The following DNTTIP2 variants were observed in gnomAD, a reference collection of about 807,000 sequenced individuals.
DNTTIP2 encodes the protein deoxynucleotidyltransferase terminal interacting protein 2.
In DNTTIP2, 47 loss-of-function variants were observed where a neutral mutation model predicts 62.4. That is an observed-to-expected ratio of 0.75 (90% confidence interval 0.60 to 0.96). The LOEUF (loss-of-function observed/expected upper bound fraction) is 0.96, where lower values mean the gene tolerates loss of function less well. Among genes scored for constraint, DNTTIP2 ranks in the 40% least tolerant of loss-of-function variants. The pLI is 0.00. For synonymous variants in DNTTIP2, 322 were observed against 300.9 expected, an observed-to-expected ratio of 1.07 and a Z score of -0.73; for missense variants, 870 against 849.1, an observed-to-expected ratio of 1.02 and a Z score of -0.31.
chr1:93,879,087 GA>G lies in DNTTIP2; in HGVS notation c.61del (p.Ser21ProfsTer37). 9 of 1,613,740 alleles carry G rather than the reference GA, an allele frequency of 5.6e-6. No individual in the cohort carries two copies. Among genetic ancestry groups the G allele is most frequent in the Non-Finnish European group, 7.6e-6 (9 of 1,179,882 alleles). On this transcript the variant is annotated frameshift_variant, in exon 1 of 7. Transcript: ENST00000436063. LOFTEE classifies it high-confidence loss of function. Reference protein sequence around the residue: ...ASIQAASAESSGQKSFAANGI... With the variant: ...ASIQAASAESXGQKSFAANGI... Reference sequence around the variant, plus strand: ...GACTGGATTTCCTACCTTTTGCCCGGAACTTTCAGCCGACGCGGCTTGGATG... The same window carrying G: ...GACTGGATTTCCTACCTTTTGCCCGGACTTTCAGCCGACGCGGCTTGGATG...
intron 4 of DNTTIP2, among the ~76,000 whole-genome samples, 185 bp downstream of exon 4, chr1:93,872,934 G>A (rs1235889895): frequency 1.7e-4 from 26 of 151,854 alleles, no homozygotes; most frequent in Admixed American, 1.2e-3. Flanking sequence ...TGGCTGCAAA[G>A]ATGTGAAAAT....
chr1:93,867,696 A>C lies in DNTTIP2; in HGVS notation c.*2155T>G, dbSNP rs1655754424. ...TAAAAAGCAAAACATAACTTCATCC[A>C]TTATTTAAATATCCAGGTATTTGTA... On this transcript the variant is annotated 3_prime_UTR_variant, in exon 7 of 7. Transcript: ENST00000436063. 1 of 152,162 alleles carries C rather than the reference A, an allele frequency of 6.6e-6. No homozygotes were observed. 9.4% of individuals were successfully genotyped at this position (152,162 alleles called of 1,614,324 possible).
At chr1:93,873,438 AAAAAAG>A in intron 3 of DNTTIP2, 2 of 375,644 alleles carry the variant, frequency 5.3e-6, no homozygotes, top group South Asian at 5.5e-5. Context: ...AAAAAAAAAA[AAAAAAG>A]AAAAGAAATT....
At position 93,876,546 on chromosome 1, in the gene DNTTIP2, T is replaced by TA; in HGVS notation, c.1388dup (p.Leu463PhefsTer5). The TA allele has an allele frequency of 6.2e-7, 1 of 1,613,976 alleles. No homozygotes were observed. Among genetic ancestry groups the TA allele is most frequent in the Middle Eastern group, 1.6e-4 (1 of 6,062 alleles). ...TTTGGCCACTATTTTCAACAAAACATAAAGTATCCTCTTCATTCTCACTGT... is the reference window on the plus strand; with the variant it reads ...TTTGGCCACTATTTTCAACAAAACATAAAAGTATCCTCTTCATTCTCACTGT... On this transcript the variant is annotated frameshift_variant, in exon 2 of 7. Coordinates refer to ENST00000436063, the MANE Select transcript of DNTTIP2 (RefSeq NM_014597.5). LOFTEE classifies it high-confidence loss of function.
intron 5 of DNTTIP2, 119 bp from the exon 6 acceptor site, chr1:93,870,911 T>C (rs1233761723): frequency 4.3e-6 from 2 of 463,214 alleles, no homozygotes; most frequent in Non-Finnish European, 7.5e-6. Context: ...ATTACACTAA[T>C]AGTAATGTAA....
At chr1:93,876,186 G>A (rs1294927192) in intron 2 of DNTTIP2, 82 bp downstream of exon 2, 2 of 1,071,970 alleles carry the variant, frequency 1.9e-6, no homozygotes, top group East Asian at 6.2e-5. Flanking sequence ...CATTCCCCAG[G>A]CTAACATTTC....
intron 4 of DNTTIP2, 105 bp from the exon 5 acceptor site, chr1:93,872,341 A>G: frequency 8.8e-7 from 1 of 1,133,982 alleles, no homozygotes; most frequent in Non-Finnish European, 1.2e-6. Flanking sequence ...AATTAAAAAC[A>G]AATGGTTACT....
rs1394442651 is a variant in DNTTIP2 at position 93,878,800 on chromosome 1, A to G, written c.72+277T>C. ...TGGTACCGTGTTAACAGTAAGGTTT[A>G]AAAGTTCGAACTGTGCTTCTGCATT... On this transcript the variant is annotated intron_variant, in intron 1 of 6. Coordinates refer to ENST00000436063, the MANE Select transcript of DNTTIP2 (RefSeq NM_014597.5). 3 of 400,776 alleles carry G rather than the reference A, an allele frequency of 7.5e-6. 1 individual carries two copies. Among genetic ancestry groups the G allele is most frequent in the South Asian group, 7.8e-5 (2 of 25,682 alleles). The allele number at this position is 400,776 out of a possible 1,614,324, so 24.8% of individuals were successfully genotyped here.
Position 93,869,281 on chromosome 1 carries a change from C to T in DNTTIP2, c.*570G>A, listed in dbSNP as rs1655795537. 1 of 152,206 alleles carries T rather than the reference C, an allele frequency of 6.6e-6. No individual in the cohort carries two copies. Among genetic ancestry groups the T allele is most frequent in the South Asian group, 2.1e-4 (1 of 4,828 alleles). 9.4% of individuals were successfully genotyped at this position (152,206 alleles called of 1,614,324 possible). On this transcript the variant is annotated 3_prime_UTR_variant, in exon 7 of 7. Transcript: ENST00000436063. Reference sequence around the variant, plus strand: ...CTAGATAAAAACCAATTATTCCTCCCTGTTTCAGTTGCCAAGCAAGGAAAA... The same window carrying T: ...CTAGATAAAAACCAATTATTCCTCCTTGTTTCAGTTGCCAAGCAAGGAAAA...
At position 93,877,675 on chromosome 1, in the gene DNTTIP2, G is replaced by A. The variant is rs1292367263; in HGVS notation, c.260C>T (p.Thr87Ile). The change falls in exon 2 of 7, where the codon ACC (threonine) becomes ATC (isoleucine). Residue 87 changes from threonine (T) to isoleucine (I), a missense_variant. Coordinates refer to ENST00000436063, the MANE Select transcript of DNTTIP2 (RefSeq NM_014597.5). ...KGTEPSTDGE[T>I]SEAESNYSVS... Reference sequence around the variant, plus strand: ...AGAATAATTTGACTCTGCCTCAGAGGTTTCTCCATCCGTAGATGGTTCAGT... The same window carrying A: ...AGAATAATTTGACTCTGCCTCAGAGATTTCTCCATCCGTAGATGGTTCAGT... The A allele has an allele frequency of 1.2e-6, 2 of 1,613,924 alleles. No homozygotes were observed. Among genetic ancestry groups the A allele is most frequent in the East Asian group, 2.2e-5 (1 of 44,862 alleles).
chr1:93,877,951 A>G (rs889593721), intron 1 of DNTTIP2, 89 bp from the exon 2 acceptor site: 8 of 1,443,646 alleles, frequency 5.5e-6, no homozygotes, highest in Middle Eastern at 3.6e-4. Context: ...GCTAAAACCC[A>G]GTAAACAAGA....
In DNTTIP2 at chr1:93,868,297, T is replaced by G. The variant is rs963776491; in HGVS notation, c.*1554A>C. 6.6e-6 allele frequency: 1 copy of G among 152,186 alleles called. No individual in the cohort carries two copies. The highest frequency in any genetic ancestry group is 1.5e-5 in the Non-Finnish European group (1 of 68,028). The allele number at this position is 152,186 out of a possible 1,614,324, so 9.4% of individuals were successfully genotyped here. A position where few individuals can be genotyped will look rare whatever the true frequency, so the allele number is the denominator to read the frequency against. ...AATGCAAATCAAAACCACAATGAGA[T>G]ACCATCTCATTGCCAGTTAGAATGG... On this transcript the variant is annotated 3_prime_UTR_variant, in exon 7 of 7. Coordinates refer to ENST00000436063, the MANE Select transcript of DNTTIP2 (RefSeq NM_014597.5).
chr1:93,875,574 C>A, intron 3 of DNTTIP2, 71 bp downstream of exon 3: 1 of 1,508,586 alleles, frequency 6.6e-7, no homozygotes, highest in East Asian at 2.4e-5. Flanking sequence ...AAAATTAAGT[C>A]TTTTACCAAG....
chr1:93,875,350 A>T (rs1655973587), intron 3 of DNTTIP2, among the ~76,000 whole-genome samples: 1 of 152,224 alleles, frequency 6.6e-6, no homozygotes, highest in Non-Finnish European at 1.5e-5. Flanking sequence ...TACACTAGTT[A>T]AGAACTTAAG....
Position 93,877,361 on chromosome 1 carries a change from C to T in DNTTIP2, c.574G>A (p.Asp192Asn), listed in dbSNP as rs1413295420. Residue 192 changes from aspartate to asparagine, a missense_variant, in exon 2 of 7, where the codon GAC (aspartate) becomes AAC (asparagine). Asp to Asn is a conservative substitution (Grantham distance 23). Transcript: ENST00000436063. The part of the protein sequence containing the change: ...AISDAETSSS[D>N]ISFSGIATRR... Reference sequence around the variant, plus strand: ...GTTGCAATTCCAGAGAATGAAATGTCTGAGCTTGATGTCTCAGCATCAGAT... The same window carrying T: ...GTTGCAATTCCAGAGAATGAAATGTTTGAGCTTGATGTCTCAGCATCAGAT... 1.2e-6 allele frequency: 2 copies of T among 1,613,796 alleles called. No homozygotes were observed. Among genetic ancestry groups the T allele is most frequent in the Non-Finnish European group, 8.5e-7 (1 of 1,179,890 alleles).
rs1336821605 is a variant in DNTTIP2 at position 93,877,786 on chromosome 1, T to C, written c.149A>G (p.Gln50Arg). Residue 50 changes from glutamine (Q) to arginine (R), a missense_variant, in exon 2 of 7, where the codon CAG becomes CGG. Gln to Arg is a conservative substitution (Grantham distance 43). Coordinates refer to ENST00000436063, the MANE Select transcript of DNTTIP2 (RefSeq NM_014597.5). ...GATTAAACTTTGCTTCCCAGTGGTC[T>C]GTGATTCAGCAGTAGTTCGGGCATC... ...GSDARTTAESQTTGKQSLIPR... is the reference protein window; with the variant it reads ...GSDARTTAESRTTGKQSLIPR... 2 of 1,610,730 alleles carry C rather than the reference T, an allele frequency of 1.2e-6. No homozygotes were observed. Among genetic ancestry groups the C allele is most frequent in the Non-Finnish European group, 1.7e-6 (2 of 1,179,874 alleles).
At position 93,873,118 on chromosome 1, in the gene DNTTIP2, C is replaced by T; in HGVS notation, c.1902+1G>A. ...CATTTTAATTAAGTCACTGTACTTA[C>T]TCTGCGTTTTTTCTGAAGTTGATAC... is the stretch of plus-strand genomic sequence containing the variant. On this transcript the variant is annotated splice_donor_variant, in intron 4 of 6. Transcript: ENST00000436063. LOFTEE classifies it high-confidence loss of function. 1 of 1,601,348 alleles carries T rather than the reference C, an allele frequency of 6.2e-7. No homozygotes were observed. The highest frequency in any genetic ancestry group is 8.5e-7 in the Non-Finnish European group (1 of 1,170,510).
chr1:93,871,666 TTCA>T (rs2100883394), intron 5 of DNTTIP2, among the ~76,000 whole-genome samples: 1 of 152,322 alleles, frequency 6.6e-6, no homozygotes, highest in South Asian at 2.1e-4. Context: ...TATGTCATAA[TTCA>T]TCACTGAATG....
chr1:93,868,324 A>G lies in DNTTIP2; in HGVS notation c.*1527T>C, dbSNP rs1016475091. The G allele has an allele frequency of 3.3e-5, 5 of 152,158 alleles. No individual in the cohort carries two copies. Among genetic ancestry groups the G allele is most frequent in the Non-Finnish European group, 7.4e-5 (5 of 67,998 alleles). 9.4% of individuals were successfully genotyped at this position (152,158 alleles called of 1,614,324 possible). On this transcript the variant is annotated 3_prime_UTR_variant, in exon 7 of 7. Coordinates refer to ENST00000436063, the MANE Select transcript of DNTTIP2 (RefSeq NM_014597.5). ...CCATCTCATTGCCAGTTAGAATGGC[A>G]ATCATTAAAAAGTCAGGAAACAACA...
Sources: allele counts gnomAD v4.1 joint callset (sites outside exome capture counted in the v4.1 genomes callset), GRCh38; gene constraint gnomAD v4.1.1; transcripts MANE v1.5; gene names NCBI Gene and HGNC (gene_info 2026-07-23, HGNC 2026-07-21).